KMT2C: variants seen among roughly 807,000 people sequenced by gnomAD.
KMT2C encodes the protein histone-lysine N-methyltransferase 2C.
In KMT2C, 88 loss-of-function variants were observed where a neutral mutation model predicts 507.9. The ratio of observed to expected loss-of-function variants is 0.17; its 90% CI spans 0.15 to 0.21. The LOEUF (loss-of-function observed/expected upper bound fraction) is 0.21, where lower values mean the gene tolerates loss of function less well. Ranked by LOEUF, KMT2C falls within the 10% of genes least tolerant of loss-of-function variation. The pLI, the probability that KMT2C is intolerant of heterozygous loss-of-function variation, is 1.00. For synonymous variants in KMT2C, 2,049 were observed against 2,080.8 expected (o/e 0.98, Z 0.42); for missense variants, 4,954 against 5,957.8 (o/e 0.83, Z 5.55).
Position 152,435,749 on chromosome 7 carries a change from T to G in KMT2C, c.38A>C (p.Gln13Pro), listed in dbSNP as rs866392536. 3.3e-6 allele frequency: 5 copies of G among 1,502,526 alleles called. No homozygotes were observed. The highest frequency in any genetic ancestry group is 3.6e-6 in the Non-Finnish European group (4 of 1,122,272). The allele number at this position is 1,502,526 out of a possible 1,614,324, so 93.1% of individuals were successfully genotyped here. ...SEEDKSVEQP[Q>P]PPPPPPEEPG... ...CTCCTCGGGGGGTGGTGGCGGCGGC[T>G]GCGGCTGCTCCACGCTCTTGTCCTC... The change falls in exon 1 of 59, where the codon CAG (glutamine) becomes CCG (proline). Residue 13 changes from glutamine (Q) to proline (P), a missense_variant. Physicochemically the swap from Gln to Pro is moderately conservative, Grantham distance 76 (BLOSUM62 -1). Around this residue, in one of 29 missense-constraint regions of KMT2C, gnomAD observed 51 missense variants for 43.5 expected, o/e 1.17. Transcript: ENST00000262189.
chr7:152,365,552 TTTTTC>T (rs1478716430), intron 1 of KMT2C, among the ~76,000 whole-genome samples: 1 of 152,158 alleles, frequency 6.6e-6, no homozygotes, highest in Admixed American at 6.5e-5. Flanking sequence ...ACTTCCTCCT[TTTTTC>T]TTTTCTTCTT....
intron 1 of KMT2C, among the ~76,000 whole-genome samples, chr7:152,408,555 T>C (rs2097647018): frequency 1.3e-5 from 2 of 152,196 alleles, no homozygotes; most frequent in Admixed American, 1.3e-4. Flanking sequence ...CGGCCTCCTC[T>C]AGATCAGCAG....
chr7:152,289,676 T>C (rs75862845), intron 6 of KMT2C, among the ~76,000 whole-genome samples: 88 of 151,840 alleles, frequency 5.8e-4, no homozygotes, highest in Middle Eastern at 3.4e-3. Flanking sequence ...GAAAAACTTA[T>C]ATCCAACAAT....
Position 152,181,749 on chromosome 7 carries a change from A to G in KMT2C, c.6111T>C (p.Asp2037=). Residue 2037 remains aspartate (D), a synonymous_variant, in exon 36 of 59, where the codon GAT becomes GAC. Coordinates refer to ENST00000262189, the MANE Select transcript of KMT2C (RefSeq NM_170606.3). ...GAGTCTTAAAAGGTCCAGGACCACTATCAAGAGGTGCAGGTGTCAACAAGG... is the reference window on the plus strand; with the variant it reads ...GAGTCTTAAAAGGTCCAGGACCACTGTCAAGAGGTGCAGGTGTCAACAAGG... ...ARPLLTPAPL[D]SGPGPFKTPM... The G allele has an allele frequency of 6.2e-7, 1 of 1,614,136 alleles. No individual in the cohort carries two copies. Among genetic ancestry groups the G allele is most frequent in the Non-Finnish European group, 8.5e-7 (1 of 1,180,030 alleles).
chr7:152,141,992 A>G (rs563939794), intron 55 of KMT2C, among the ~76,000 whole-genome samples: 1 of 152,354 alleles, frequency 6.6e-6, no homozygotes, highest in Non-Finnish European at 1.5e-5. Flanking sequence ...ACCGCACTCC[A>G]GCCTGGGCGA....
intron 1 of KMT2C, among the ~76,000 whole-genome samples, chr7:152,409,561 TACA>T (rs2097659417): frequency 1.2e-5 from 1 of 80,042 alleles, no homozygotes; most frequent in African/African-American, 6.6e-5. Flanking sequence ...CTGCTAAAAA[TACA>T]AAAAAAAAAA....
chr7:152,145,332 C>G (rs1371593372), intron 53 of KMT2C, 37 bp from the exon 54 acceptor site: 2 of 1,603,902 alleles, frequency 1.2e-6, no homozygotes, highest in Non-Finnish European at 1.7e-6. Context: ...GTCACCCCAT[C>G]TGATGGAGAC....
chr7:152,411,536 G>A (rs1192949461), intron 1 of KMT2C, among the ~76,000 whole-genome samples: 3 of 152,136 alleles, frequency 2.0e-5, no homozygotes, highest in Non-Finnish European at 4.4e-5. Context: ...AAAGAGGAGG[G>A]GGAAGAAGGT....
In KMT2C at chr7:152,244,635, A is replaced by T. The variant is rs1472112904; in HGVS notation, c.2532+3267T>A. On this transcript the variant is annotated intron_variant, in intron 14 of 58. Transcript: ENST00000262189. ...CTAGGTCATTAGGACAATTTGTATG[A>T]AACAATATCCAATTTGCTGTCTGTT... 2.0e-5 allele frequency among the ~76,000 whole-genome samples: 3 copies of T among 152,374 alleles called. No homozygotes were observed. In the East Asian group the frequency reaches 5.8e-4, roughly 29 times the overall value.
rs1368941483 is a variant in KMT2C, at chr7:152,182,313, C to T, written c.5547G>A (p.Lys1849=). The T allele has an allele frequency of 2.5e-6, 4 of 1,613,974 alleles. No homozygotes were observed. The Admixed American group carries it at 6.7e-5, about 27-fold the overall frequency. ...CTGGAGGAGGAGGTGGAGCTTGTGG[C>T]TTTACAAACACATCATCTGAAGATG... ...TSTSSDDVFV[K]PQAPPPPPAP... is the part of the protein sequence containing the mutation. The change falls in exon 36 of 59, where the codon AAG becomes AAA. Residue 1849 remains lysine (K), a synonymous_variant. Coordinates refer to ENST00000262189, the MANE Select transcript of KMT2C (RefSeq NM_170606.3).
At chr7:152,142,888 T>C (rs2090730156) in intron 55 of KMT2C, among the ~76,000 whole-genome samples, 1 of 152,126 alleles carries the variant, frequency 6.6e-6, no homozygotes, top group Non-Finnish European at 1.5e-5. Flanking sequence ...TTCTAAGATA[T>C]TAGCACAGAA....
chr7:152,391,749 C>A (rs2097500794), intron 1 of KMT2C, among the ~76,000 whole-genome samples: 2 of 152,224 alleles, frequency 1.3e-5, no homozygotes, highest in African/African-American at 4.8e-5. Context: ...ATTCACCAGG[C>A]TGGTCTCGGC....
chr7:152,353,700 T>C (rs2097131417), intron 2 of KMT2C, among the ~76,000 whole-genome samples: 1 of 152,114 alleles, frequency 6.6e-6, no homozygotes, highest in African/African-American at 2.4e-5. Context: ...GTTTTTGCCA[T>C]GTTGCCCAGG....
At chr7:152,330,988 A>G (rs1488250528) in intron 2 of KMT2C, among the ~76,000 whole-genome samples, 1 of 152,176 alleles carries the variant, frequency 6.6e-6, no homozygotes, top group Non-Finnish European at 1.5e-5. Context: ...TAGCTGACTC[A>G]GAGAAGTTTC....
chr7:152,428,481 A>C (rs1017523525), intron 1 of KMT2C, among the ~76,000 whole-genome samples: 3 of 143,700 alleles, frequency 2.1e-5, no homozygotes, highest in African/African-American at 8.0e-5. Context: ...AAAAAAAAAA[A>C]CTAGCCGGGC....
Position 152,144,507 on chromosome 7 carries a change from T to C in KMT2C, c.14343+206A>G, listed in dbSNP as rs1015425367. On this transcript the variant is annotated intron_variant, in intron 55 of 58. Coordinates refer to ENST00000262189, the MANE Select transcript of KMT2C (RefSeq NM_170606.3). This position sits in a 1 kb window ranked among gnomAD's most constrained non-coding sequence, Gnocchi z 4.4. Reference sequence around the variant, plus strand: ...AGATGTGGATTCCACTGGTCTGCTTTCCCTTTGGGGAAGCCAATCACCAAG... The same window carrying C: ...AGATGTGGATTCCACTGGTCTGCTTCCCCTTTGGGGAAGCCAATCACCAAG... 6.6e-6 allele frequency among the ~76,000 whole-genome samples: 1 copy of C among 152,250 alleles called. No homozygotes were observed. The highest frequency in any genetic ancestry group is 2.4e-5 in the African/African-American group (1 of 41,468).
At chr7:152,355,111 T>A (rs1254359839) in intron 2 of KMT2C, among the ~76,000 whole-genome samples, 1 of 152,200 alleles carries the variant, frequency 6.6e-6, no homozygotes, top group Non-Finnish European at 1.5e-5. Context: ...AGCCCTCCAG[T>A]GGGCTGGATG....
At chr7:152,165,186 G>A (rs1427826658) in intron 42 of KMT2C, among the ~76,000 whole-genome samples, 1 of 152,232 alleles carries the variant, frequency 6.6e-6, no homozygotes, top group Non-Finnish European at 1.5e-5. Context: ...ACAACACTAT[G>A]TGGGATATAT....
intron 1 of KMT2C, among the ~76,000 whole-genome samples, chr7:152,428,972 C>T (rs1481291251): frequency 1.3e-5 from 2 of 152,210 alleles, no homozygotes; most frequent in African/African-American, 4.8e-5. Flanking sequence ...GGCCTCACCA[C>T]TACACACAGC....
Sources: allele counts gnomAD v4.1 joint callset (sites outside exome capture counted in the v4.1 genomes callset), GRCh38; gene constraint gnomAD v4.1.1; regional missense constraint gnomAD v4.1.1; non-coding constraint Gnocchi (gnomAD v3.1); transcripts MANE v1.5; gene names NCBI Gene and HGNC (gene_info 2026-07-23, HGNC 2026-07-21).